LCORL: variants seen among roughly 807,000 people sequenced by gnomAD.
LCORL encodes the protein ligand dependent nuclear receptor corepressor like.
A neutral mutation model predicts 141.8 loss-of-function variants in LCORL; 41 were observed. That is an observed-to-expected ratio of 0.29 (90% CI 0.23 to 0.38). The LOEUF (loss-of-function observed/expected upper bound fraction) is 0.38. Among genes scored for constraint, LCORL ranks in the 10% least tolerant of loss-of-function variants. The pLI, the probability that LCORL is intolerant of heterozygous loss-of-function variation, is 1.00. For synonymous variants in LCORL, 618 were observed against 694.1 expected (o/e 0.89, Z 1.72); for missense variants, 1,759 against 2,035.0 (o/e 0.86, Z 2.61).
At chr4:17,913,151 A>G (rs57899956) in intron 4 of LCORL, among the ~76,000 whole-genome samples, 11,303 of 152,274 alleles carry the variant, frequency 0.074, 956 homozygotes, top group African/African-American at 0.21. Flanking sequence ...TTGCATCCCA[A>G]CTGAAGAGGA....
intron 5 of LCORL, chr4:17,893,502 T>C (rs1485884822): frequency 2.0e-6 from 2 of 985,288 alleles, no homozygotes; most frequent in African/African-American, 3.5e-5. Flanking sequence ...GGCTGAGCAC[T>C]GCGAGTGTGT....
chr4:17,928,710 C>T (rs759161843), intron 4 of LCORL, among the ~76,000 whole-genome samples: 6 of 152,032 alleles, frequency 3.9e-5, no homozygotes, highest in Admixed American at 1.3e-4. Flanking sequence ...CTTATCACTT[C>T]GACACTGTAC....
chr4:17,971,309 C>CAGTAT (rs1477249118), intron 2 of LCORL, among the ~76,000 whole-genome samples: 1 of 151,896 alleles, frequency 6.6e-6, no homozygotes, highest in Non-Finnish European at 1.5e-5. Context: ...AGTCAATATA[C>CAGTAT]AGTATATATA....
rs1264238327 is a variant in LCORL, at chr4:17,884,045, G to C, written c.776+2023C>G. ...AGTATTTTCAGAGGTTCCATCAACTGTTCCATTTTTAGAATTAAGACACAA... is the reference window on the plus strand; with the variant it reads ...AGTATTTTCAGAGGTTCCATCAACTCTTCCATTTTTAGAATTAAGACACAA... On this transcript the variant is annotated intron_variant, in intron 6 of 7. Transcript: ENST00000635767. The surrounding 1 kb of genome is among the most constrained non-coding windows in gnomAD (Gnocchi z 4.4). 1.3e-6 allele frequency: 2 copies of C among 1,550,660 alleles called. No individual in the cohort carries two copies. The highest frequency in any genetic ancestry group is 2.4e-5 in the South Asian group (2 of 84,020).
chr4:17,937,155 A>C (rs1577474614), intron 4 of LCORL, among the ~76,000 whole-genome samples: 1 of 152,168 alleles, frequency 6.6e-6, no homozygotes, highest in East Asian at 1.9e-4. Flanking sequence ...CTTAATGCCA[A>C]AATAACACTG....
intron 4 of LCORL, chr4:17,912,488 A>C (rs1158332162): frequency 1.9e-6 from 1 of 519,208 alleles, no homozygotes; most frequent in Non-Finnish European, 3.7e-6. Context: ...AAGAACCGAC[A>C]GGAACTAGAC....
At chr4:17,847,507 T>C (rs1046032643) in intron 7 of LCORL, among the ~76,000 whole-genome samples, 35 of 152,306 alleles carry the variant, frequency 2.3e-4, no homozygotes, top group African/African-American at 7.0e-4. Flanking sequence ...TTTGTATAAA[T>C]AGATACTAGA....
At chr4:17,886,006 A>C (rs559616059) in intron 6 of LCORL, 62 bp downstream of exon 6, 1 of 921,306 alleles carries the variant, frequency 1.1e-6, no homozygotes. Flanking sequence ...AATAGTATTA[A>C]GAGTTCTCTG....
chr4:18,021,525 C>CA lies in LCORL; in HGVS notation c.154+72dup. 1 of 1,352,716 alleles carries CA rather than the reference C, an allele frequency of 7.4e-7. No individual in the cohort carries two copies. Among genetic ancestry groups the CA allele is most frequent in the Non-Finnish European group, 9.9e-7 (1 of 1,007,574 alleles). The allele number at this position is 1,352,716 out of a possible 1,614,324, so 83.8% of individuals were successfully genotyped here. ...GAACGGGAGATTCAACTAAACCCCT[C>CA]AGCCACAAACTCCTCGGGCTGCGAC... On this transcript the variant is annotated intron_variant, in intron 1 of 7. Coordinates refer to ENST00000635767, the Ensembl canonical transcript of LCORL. This position sits in a 1 kb window ranked among gnomAD's most constrained non-coding sequence, Gnocchi z 5.5.
intron 1 of LCORL, among the ~76,000 whole-genome samples, chr4:17,999,269 C>T (rs1056301635): frequency 2.6e-5 from 4 of 151,304 alleles, no homozygotes; most frequent in East Asian, 2.0e-4. Flanking sequence ...CTGGTGAACA[C>T]GGTGAAACCC....
intron 1 of LCORL, among the ~76,000 whole-genome samples, chr4:18,013,711 T>C (rs1724168523): frequency 6.6e-6 from 1 of 152,210 alleles, no homozygotes; most frequent in African/African-American, 2.4e-5. Context: ...TGTGCACACC[T>C]TGCACATACT....
intron 1 of LCORL, among the ~76,000 whole-genome samples, chr4:18,013,330 G>A (rs1461134626): frequency 1.3e-5 from 2 of 152,140 alleles, no homozygotes; most frequent in Non-Finnish European, 2.9e-5. Context: ...ATATACTCAA[G>A]TTATACTCTA....
intron 1 of LCORL, among the ~76,000 whole-genome samples, chr4:17,990,524 G>A (rs1719804236): frequency 6.9e-6 from 1 of 144,852 alleles, no homozygotes; most frequent in African/African-American, 2.5e-5. Context: ...GGTGGGGTGG[G>A]AGGGTTGGTC....
chr4:17,872,290 C>T (rs7670753), intron 7 of LCORL, among the ~76,000 whole-genome samples: 6,368 of 152,040 alleles, frequency 0.042, 442 homozygotes, highest in African/African-American at 0.15. Flanking sequence ...CTATAGTGTT[C>T]CTATATTATT....
At chr4:17,966,158 TTTG>T (rs1714820775) in intron 2 of LCORL, among the ~76,000 whole-genome samples, 1 of 152,122 alleles carries the variant, frequency 6.6e-6, no homozygotes, top group South Asian at 2.1e-4. Flanking sequence ...TGATTAACAT[TTTG>T]TTATAGATTC....
intron 2 of LCORL, among the ~76,000 whole-genome samples, chr4:17,966,190 G>C (rs1714828737): frequency 6.6e-6 from 1 of 152,006 alleles, no homozygotes. Flanking sequence ...TATATTTTAT[G>C]CCGCTTAAAA....
At chr4:17,958,069 C>T (rs972974185) in intron 4 of LCORL, among the ~76,000 whole-genome samples, 1 of 151,720 alleles carries the variant, frequency 6.6e-6, no homozygotes, top group Non-Finnish European at 1.5e-5. Context: ...GAGTACAAAA[C>T]AAAACATTAA....
At chr4:17,962,104 C>CA (rs1373408799) in intron 3 of LCORL, 72 bp from the exon 4 acceptor site, 5 of 1,090,454 alleles carry the variant, frequency 4.6e-6, no homozygotes, top group South Asian at 3.3e-5. Flanking sequence ...TTAAAAATGA[C>CA]AAAAAATTAA....
At chr4:17,947,988 A>C (rs1739150874) in intron 4 of LCORL, among the ~76,000 whole-genome samples, 1 of 152,036 alleles carries the variant, frequency 6.6e-6, no homozygotes, top group Admixed American at 6.6e-5. Context: ...GAGTTTATCA[A>C]GCAAACAGGA....
Sources: allele counts gnomAD v4.1 joint callset (sites outside exome capture counted in the v4.1 genomes callset), GRCh38; gene constraint gnomAD v4.1.1; non-coding constraint Gnocchi (gnomAD v3.1); transcripts MANE v1.5; gene names NCBI Gene and HGNC (gene_info 2026-07-23, HGNC 2026-07-21).